Variants in ANO6 observed in about 807,000 individuals in gnomAD.
The protein encoded by ANO6 is anoctamin-6.
In ANO6, 106 loss-of-function variants were observed where a neutral mutation model predicts 117.5. The observed-to-expected ratio is 0.90, with a 90% CI of 0.77 to 1.06. The LOEUF is 1.06. ANO6 is among the 50% of genes least tolerant of loss of function. ANO6 has a pLI of 0.00. For synonymous variants in ANO6, 367 were observed against 385.1 expected (o/e 0.95, Z 0.55); for missense variants, 955 against 1,121.1 (o/e 0.85, Z 2.12).
intron 16 of ANO6, among the ~76,000 whole-genome samples, chr12:45,415,539 GGT>G (rs1419164580): frequency 6.6e-6 from 1 of 152,214 alleles, no homozygotes; most frequent in East Asian, 1.9e-4. Flanking sequence ...AGTTATTTAG[GGT>G]TGGGTGAGTC....
chr12:45,293,091 G>A lies in ANO6; in HGVS notation c.71-8923G>A, dbSNP rs185175530. On this transcript the variant is annotated intron_variant, in intron 1 of 19. Transcript: ENST00000320560. ...TAGTCTGCTTTGTGTGTGTGTCACA[G>A]TATGGTGCAGTGCAATATGGTTCTG... 3,802 of 602,860 alleles carry A rather than the reference G, an allele frequency of 6.3e-3. 13 individuals carry two copies. Among genetic ancestry groups the A allele is most frequent in the Non-Finnish European group, 7.3e-3 (3,514 of 480,498 alleles). 37.3% of individuals were successfully genotyped at this position (602,860 alleles called of 1,614,324 possible).
intron 13 of ANO6, 80 bp from the exon 14 acceptor site, chr12:45,402,992 C>A: frequency 7.6e-7 from 1 of 1,315,254 alleles, no homozygotes; most frequent in Non-Finnish European, 1.1e-6. Context: ...AACGTGTTAA[C>A]TCATGTATCA....
intron 1 of ANO6, among the ~76,000 whole-genome samples, chr12:45,287,284 G>A (rs1938949257): frequency 6.6e-6 from 1 of 152,116 alleles, no homozygotes; most frequent in Admixed American, 6.5e-5. Flanking sequence ...GTAATATAGT[G>A]GTTAAAAGCA....
intron 12 of ANO6, among the ~76,000 whole-genome samples, chr12:45,401,064 C>T (rs968431162): frequency 6.6e-6 from 1 of 152,138 alleles, no homozygotes; most frequent in African/African-American, 2.4e-5. Context: ...GGACTAGTGG[C>T]GTGAATCTTG....
chr12:45,361,081 A>G (rs901834698), intron 8 of ANO6, among the ~76,000 whole-genome samples: 1 of 152,086 alleles, frequency 6.6e-6, no homozygotes, highest in African/African-American at 2.4e-5. Context: ...CAGCTTATCT[A>G]TTTCTAGGAT....
intron 3 of ANO6, 43 bp from the exon 4 acceptor site, chr12:45,346,979 G>A (rs750624261): frequency 1.3e-6 from 2 of 1,590,476 alleles, no homozygotes; most frequent in Admixed American, 1.7e-5. Context: ...TTCTGCCTTT[G>A]GTAAACTAAA....
At chr12:45,322,293 A>ATAGGTGGTAAGCAG (rs113007412) in intron 2 of ANO6, among the ~76,000 whole-genome samples, 1 of 151,098 alleles carries the variant, frequency 6.6e-6, no homozygotes, top group Non-Finnish European at 1.5e-5. Flanking sequence ...TAAGATTTGG[A>ATAGGTGGTAAGCAG]TAGGTGGTTA....
chr12:45,321,816 T>G (rs1003765746), intron 2 of ANO6, among the ~76,000 whole-genome samples: 4 of 152,200 alleles, frequency 2.6e-5, no homozygotes, highest in Non-Finnish European at 4.4e-5. Flanking sequence ...CATACTTCTG[T>G]GTGCAACAGA....
Position 45,317,133 on chromosome 12 carries a change from T to TATATATATATATACATATATA in ANO6, c.151-14162_151-14161insATATATATATATACATATATA, listed in dbSNP as rs34406866. On this transcript the variant is annotated intron_variant, in intron 2 of 19. Transcript: ENST00000320560. ...TATATGTATATATATATATATATAT[T>TATATATATATATACATATATA]TATTATACTTTAAGTTCCAGGGTAC... Among the ~76,000 whole-genome samples the TATATATATATATACATATATA allele has an allele frequency of 2.9e-5, 2 of 69,542 alleles. 1 individual carries two copies. The highest frequency in any genetic ancestry group is 6.4e-5 in the Non-Finnish European group (2 of 31,216). 45.6% of individuals were successfully genotyped at this position (69,542 alleles called of 152,430 possible). A position where few individuals can be genotyped will look rare whatever the true frequency, so the allele number is the denominator to read the frequency against.
intron 7 of ANO6, among the ~76,000 whole-genome samples, chr12:45,352,781 C>T (rs995872983): frequency 1.3e-5 from 2 of 151,832 alleles, no homozygotes; most frequent in Non-Finnish European, 2.9e-5. Flanking sequence ...TTCAGATTTC[C>T]CTTATTGTCC....
intron 9 of ANO6, among the ~76,000 whole-genome samples, chr12:45,371,867 CTT>C (rs1941848938): frequency 1.3e-5 from 2 of 152,022 alleles, no homozygotes; most frequent in Non-Finnish European, 2.9e-5. Context: ...TGGAGAATGA[CTT>C]TGACGAGCTG....
intron 8 of ANO6, among the ~76,000 whole-genome samples, chr12:45,367,418 A>G (rs758693097): frequency 6.6e-6 from 1 of 152,196 alleles, no homozygotes; most frequent in Non-Finnish European, 1.5e-5. Flanking sequence ...TACTTGACAT[A>G]CAATGCTGGC....
chr12:45,258,428 C>T (rs1477255472), intron 1 of ANO6, among the ~76,000 whole-genome samples: 1 of 149,556 alleles, frequency 6.7e-6, no homozygotes, highest in Non-Finnish European at 1.5e-5. Flanking sequence ...AATCATGTTA[C>T]TTTTCTAAGT....
rs1458034547 is a variant in ANO6 at position 45,429,095 on chromosome 12, T to C, written c.2527-10T>C. On this transcript the variant is annotated splice_polypyrimidine_tract_variant and intron_variant, in intron 19 of 19. Transcript: ENST00000320560. Reference sequence around the variant, plus strand: ...TTTGTGAGTGACATTTTTCTTCTTCTCTTCCCCAGCACGTCATCTACTCTG... The same window carrying C: ...TTTGTGAGTGACATTTTTCTTCTTCCCTTCCCCAGCACGTCATCTACTCTG... 1 of 1,612,794 alleles carries C rather than the reference T, an allele frequency of 6.2e-7. No individual in the cohort carries two copies. Among genetic ancestry groups the C allele is most frequent in the Non-Finnish European group, 8.5e-7 (1 of 1,179,724 alleles).
downstream of ANO6, among the ~76,000 whole-genome samples, chr12:45,437,005 T>G (rs1943714617): frequency 6.6e-6 from 1 of 152,178 alleles, no homozygotes; most frequent in East Asian, 1.9e-4. Flanking sequence ...AGCTGCTTCA[T>G]CTAGGCCCCA....
intron 11 of ANO6, among the ~76,000 whole-genome samples, chr12:45,389,195 A>C (rs1942376967): frequency 6.6e-6 from 1 of 152,258 alleles, no homozygotes; most frequent in Non-Finnish European, 1.5e-5. Context: ...GGAACAGTTC[A>C]ACCTCTTCCT....
At chr12:45,424,793 C>T (rs1198644943) in intron 19 of ANO6, among the ~76,000 whole-genome samples, 1 of 152,036 alleles carries the variant, frequency 6.6e-6, no homozygotes, top group African/African-American at 2.4e-5. Context: ...GCTTGAGATT[C>T]CTGGATAAGC....
rs551517877 is a variant in ANO6 at position 45,255,818 on chromosome 12, G to GTTTTTTTTTTTTTTTTT, written c.70+39431_70+39447dup. 1.2e-4 allele frequency among the ~76,000 whole-genome samples: 10 copies of GTTTTTTTTTTTTTTTTT among 81,694 alleles called. No homozygotes were observed. The South Asian group carries it at 1.4e-3, about 11-fold the overall frequency. 53.6% of individuals were successfully genotyped at this position (81,694 alleles called of 152,430 possible). A position where few individuals can be genotyped will look rare whatever the true frequency, so the allele number is the denominator to read the frequency against. ...CTGGCCCCAGGTTTTCTCCCTGGGT[G>GTTTTTTTTTTTTTTTTT]TTTTTTTTTTTTTTTTTTTTGAGAC... On this transcript the variant is annotated intron_variant, in intron 1 of 19. Transcript: ENST00000320560.
intron 1 of ANO6, among the ~76,000 whole-genome samples, chr12:45,275,146 C>T (rs1938512929): frequency 1.3e-5 from 2 of 151,998 alleles, no homozygotes; most frequent in African/African-American, 4.8e-5. Flanking sequence ...AATCAAACAC[C>T]TTTCTCTAGA....
Sources: gnomAD v4.1 joint callset for allele counts (sites outside exome capture counted in the v4.1 genomes callset) on GRCh38, gnomAD v4.1.1 for gene constraint, MANE v1.5 for transcripts, NCBI Gene and HGNC (gene_info 2026-07-23, HGNC 2026-07-21) for gene names.